The following STK31 variants were observed in gnomAD, a reference collection of about 807,000 sequenced individuals.
STK31 encodes the protein serine/threonine-protein kinase 31.
A neutral mutation model predicts 129.7 loss-of-function variants in STK31; 89 were observed. The observed-to-expected ratio is 0.69, with a 90% CI of 0.58 to 0.82. STK31 has a LOEUF of 0.82. Among genes scored for constraint, STK31 ranks in the 40% least tolerant of loss-of-function variants. The pLI is 0.00. For synonymous variants in STK31, 448 were observed against 395.3 expected, an observed-to-expected ratio of 1.13 and a Z score of -1.58; for missense variants, 1,187 against 1,176.4, an observed-to-expected ratio of 1.01 and a Z score of -0.13.
At chr7:23,735,497 A>G (rs779924340) in intron 6 of STK31, 41 bp from the exon 7 acceptor site, 1 of 1,493,288 alleles carries the variant, frequency 6.7e-7, no homozygotes, top group Admixed American at 2.2e-5. Flanking sequence ...AGGGAAGAGA[A>G]ACATGTTGGT....
intron 22 of STK31, among the ~76,000 whole-genome samples, chr7:23,798,724 A>T (rs1792166956): frequency 1.3e-5 from 2 of 152,196 alleles, no homozygotes. Context: ...ACTCCTATTT[A>T]ACATACTATT....
At chr7:23,828,795 C>G (rs1238295811) in intron 23 of STK31, among the ~76,000 whole-genome samples, 4 of 152,230 alleles carry the variant, frequency 2.6e-5, no homozygotes, top group Non-Finnish European at 4.4e-5. Context: ...CCTGATTGTT[C>G]TGACTAGGAC....
chr7:23,812,796 C>T (rs2128126297), intron 22 of STK31, among the ~76,000 whole-genome samples: 1 of 152,254 alleles, frequency 6.6e-6, no homozygotes, highest in Non-Finnish European at 1.5e-5. Context: ...AGTTGTTTCA[C>T]TTAAGATAAT....
At chr7:23,772,631 C>G (rs1181858430) in intron 15 of STK31, among the ~76,000 whole-genome samples, 2 of 152,080 alleles carry the variant, frequency 1.3e-5, no homozygotes, top group Non-Finnish European at 2.9e-5. Flanking sequence ...GGTACCCCCT[C>G]GAAGGTAGCG....
Position 23,750,077 on chromosome 7 carries a change from C to CG in STK31, c.1018-2640_1018-2639insG, listed in dbSNP as rs1399292026. 2.7e-3 allele frequency among the ~76,000 whole-genome samples: 341 copies of CG among 127,624 alleles called. 31 individuals carry two copies. Among genetic ancestry groups the CG allele is most frequent in the African/African-American group, 9.2e-3 (327 of 35,676 alleles). 83.7% of individuals were successfully genotyped at this position (127,624 alleles called of 152,430 possible). Reference sequence around the variant, plus strand: ...TCAGAATGGTTTGTTTCCCCCCCCGCCACTGCTGGAAACATGAGGGGATTT... The same window carrying CG: ...TCAGAATGGTTTGTTTCCCCCCCCGCGCACTGCTGGAAACATGAGGGGATTT... On this transcript the variant is annotated intron_variant, in intron 8 of 23. Transcript: ENST00000355870.
intron 3 of STK31, among the ~76,000 whole-genome samples, chr7:23,715,582 A>C (rs4476895): frequency 6.6e-6 from 1 of 151,628 alleles, no homozygotes; most frequent in Admixed American, 6.6e-5. Context: ...ATTGCACCAA[A>C]CAAACAAACA....
intron 4 of STK31, among the ~76,000 whole-genome samples, chr7:23,720,863 A>G (rs1278910113): frequency 6.6e-6 from 1 of 152,200 alleles, no homozygotes; most frequent in Non-Finnish European, 1.5e-5. Flanking sequence ...ACTGCAACAA[A>G]AGTAAGGTAA....
chr7:23,799,713 G>T (rs1792241983), intron 22 of STK31, among the ~76,000 whole-genome samples: 1 of 152,094 alleles, frequency 6.6e-6, no homozygotes, highest in Non-Finnish European at 1.5e-5. Context: ...CAAAAGCACT[G>T]GCAACAAATG....
intron 23 of STK31, among the ~76,000 whole-genome samples, chr7:23,817,858 T>C (rs1377579569): frequency 6.6e-6 from 1 of 152,188 alleles, no homozygotes; most frequent in Non-Finnish European, 1.5e-5. Flanking sequence ...TTTCAGATTC[T>C]GGCAGTTTCA....
intron 22 of STK31, among the ~76,000 whole-genome samples, chr7:23,804,354 TTTTTGGG>T (rs1175965891): frequency 3.3e-5 from 5 of 152,210 alleles, no homozygotes; most frequent in Non-Finnish European, 5.9e-5. Context: ...GAGTGGAAGC[TTTTTGGG>T]AGTAGCTTAT....
intron 8 of STK31, among the ~76,000 whole-genome samples, chr7:23,741,813 G>A (rs1788070623): frequency 6.6e-6 from 1 of 152,220 alleles, no homozygotes; most frequent in Admixed American, 6.5e-5. Flanking sequence ...CTATAGCAGA[G>A]CTTTGGGTGT....
intron 8 of STK31, among the ~76,000 whole-genome samples, chr7:23,746,085 G>C (rs1788334380): frequency 6.6e-6 from 1 of 152,210 alleles, no homozygotes; most frequent in African/African-American, 2.4e-5. Context: ...AGTTGTAGGG[G>C]ATGTTGGGCC....
chr7:23,744,612 C>T (rs1304058218), intron 8 of STK31, among the ~76,000 whole-genome samples: 2 of 152,070 alleles, frequency 1.3e-5, no homozygotes, highest in Non-Finnish European at 2.9e-5. Flanking sequence ...AGGATCTTTT[C>T]CTGAAGATGT....
At chr7:23,787,211 T>C (rs1235515214) in intron 20 of STK31, among the ~76,000 whole-genome samples, 1 of 152,176 alleles carries the variant, frequency 6.6e-6, no homozygotes, top group East Asian at 1.9e-4. Context: ...TGCTAAGCTG[T>C]GCTGTATGTG....
intron 4 of STK31, chr7:23,721,544 T>C (rs1322276674): frequency 2.1e-6 from 2 of 954,334 alleles, no homozygotes; most frequent in African/African-American, 1.6e-5. Context: ...AACTCTCTTT[T>C]TTTTTTTCCT....
intron 6 of STK31, among the ~76,000 whole-genome samples, chr7:23,731,619 G>A (rs1333477110): frequency 6.6e-6 from 1 of 152,126 alleles, no homozygotes; most frequent in Non-Finnish European, 1.5e-5. Context: ...AGGTGTCCTG[G>A]GCACTGAAAT....
intron 22 of STK31, among the ~76,000 whole-genome samples, chr7:23,808,168 TA>T (rs199656796): frequency 9.0e-6 from 1 of 111,012 alleles, no homozygotes; most frequent in Admixed American, 1.0e-4. Flanking sequence ...TATATATATA[TA>T]TTTTTTGTAG....
rs541528869 is a variant in STK31, at chr7:23,828,584, G to A, written c.2830-3552G>A. On this transcript the variant is annotated intron_variant, in intron 23 of 23. Coordinates refer to ENST00000355870, the MANE Select transcript of STK31 (RefSeq NM_031414.5). ...CGCCCTGCTTCAGCTCACGCATGGT[G>A]CGCTGCACCCACTGTCCTGCACCCA... Among the ~76,000 whole-genome samples, 3 of 152,070 alleles carry A rather than the reference G, an allele frequency of 2.0e-5. No homozygotes were observed. The South Asian group carries it at 6.2e-4, about 32-fold the overall frequency.
intron 21 of STK31, 37 bp downstream of exon 21, chr7:23,788,166 T>C: frequency 1.3e-6 from 2 of 1,538,988 alleles, no homozygotes; most frequent in Non-Finnish European, 1.8e-6. Context: ...GTTCTAGACT[T>C]TATTTAATAT....
Sources: gnomAD v4.1 joint callset for allele counts (sites outside exome capture counted in the v4.1 genomes callset) on GRCh38, gnomAD v4.1.1 for gene constraint, MANE v1.5 for transcripts, NCBI Gene and HGNC (gene_info 2026-07-23, HGNC 2026-07-21) for gene names.